ANO3: variants seen among roughly 807,000 people sequenced by gnomAD.
ANO3 encodes the protein anoctamin 3.
ANO3 carries 99 observed loss-of-function variants against 144.8 expected under a neutral mutation model. That is an observed-to-expected ratio of 0.68 (90% CI 0.58 to 0.81). The LOEUF (loss-of-function observed/expected upper bound fraction) is 0.81, where lower values mean the gene tolerates loss of function less well. Among genes scored for constraint, ANO3 ranks in the 30% least tolerant of loss-of-function variants. The pLI, the probability that ANO3 is intolerant of heterozygous loss-of-function variation, is 0.00. For missense variants in ANO3, 905 were observed against 1,202.2 expected, an observed-to-expected ratio of 0.75 and a Z score of 3.66; for synonymous variants, 414 against 392.6, an observed-to-expected ratio of 1.05 and a Z score of -0.64.
At chr11:26,439,134 A>G (rs1858418453) in intron 1 of ANO3, among the ~76,000 whole-genome samples, 2 of 152,214 alleles carry the variant, frequency 1.3e-5, no homozygotes, top group South Asian at 4.1e-4. Flanking sequence ...GGAAAAGAAT[A>G]AAGTTGGAGC....
intron 6 of ANO3, among the ~76,000 whole-genome samples, chr11:26,524,271 T>A (rs1174683455): frequency 2.0e-5 from 3 of 152,182 alleles, no homozygotes; most frequent in Non-Finnish European, 4.4e-5. Flanking sequence ...ATTTAAAGTG[T>A]GAGTTTCGGA....
At chr11:26,452,215 G>A (rs1858971485) in intron 3 of ANO3, among the ~76,000 whole-genome samples, 2 of 152,334 alleles carry the variant, frequency 1.3e-5, no homozygotes, top group East Asian at 3.9e-4. Context: ...CACCAGCAAT[G>A]GAACAAAGCT....
At chr11:26,601,989 T>C (rs1029066944) in intron 17 of ANO3, among the ~76,000 whole-genome samples, 2 of 152,016 alleles carry the variant, frequency 1.3e-5, no homozygotes, top group Non-Finnish European at 2.9e-5. Context: ...GCACAATAGT[T>C]GAAGCAAAAA....
At chr11:26,263,471 C>T (rs1358063075) in intron 1 of ANO3, among the ~76,000 whole-genome samples, 1 of 152,230 alleles carries the variant, frequency 6.6e-6, no homozygotes, top group Non-Finnish European at 1.5e-5. Flanking sequence ...CCTGTTGTCA[C>T]TCCATTCCAA....
intron 6 of ANO3, 29 bp downstream of exon 6, chr11:26,516,956 T>C: frequency 7.5e-7 from 1 of 1,341,312 alleles, no homozygotes; most frequent in Non-Finnish European, 1.1e-6. Flanking sequence ...TTATTTTATC[T>C]CAATATATAT....
In ANO3 at chr11:26,635,073, A is replaced by G; in HGVS notation, c.2043+3A>G. 9 of 1,613,350 alleles carry G rather than the reference A, an allele frequency of 5.6e-6. No homozygotes were observed. The highest frequency in any genetic ancestry group is 7.6e-6 in the Non-Finnish European group (9 of 1,179,416). On this transcript the variant is annotated splice_donor_region_variant and intron_variant, in intron 20 of 26. Coordinates refer to ENST00000256737, the MANE Select transcript of ANO3 (RefSeq NM_031418.4). ...TTGACCGGTGGAGACTGGAGGAAGT[A>G]AGTAACTTTGGGAGTGTGGGTGCAG... is the stretch of plus-strand genomic sequence containing the variant.
intron 1 of ANO3, among the ~76,000 whole-genome samples, chr11:26,295,968 A>G (rs1384283057): frequency 1.3e-5 from 2 of 152,230 alleles, no homozygotes; most frequent in Non-Finnish European, 1.5e-5. Flanking sequence ...CTCTTGTGAT[A>G]TGAACACCCC....
chr11:26,454,588 G>A (rs1365105486), intron 3 of ANO3, among the ~76,000 whole-genome samples: 1 of 151,852 alleles, frequency 6.6e-6, no homozygotes, highest in Non-Finnish European at 1.5e-5. Context: ...ATAATCAATA[G>A]CTTACCAACC....
intron 1 of ANO3, among the ~76,000 whole-genome samples, chr11:26,415,547 G>T (rs1450877136): frequency 6.6e-6 from 1 of 151,982 alleles, no homozygotes; most frequent in Non-Finnish European, 1.5e-5. Flanking sequence ...TTGAATCTAG[G>T]CTTGATTTTG....
intron 1 of ANO3, chr11:26,427,423 A>T (rs1419840749): frequency 6.6e-6 from 1 of 152,176 alleles, no homozygotes; most frequent in Non-Finnish European, 1.5e-5. Flanking sequence ...CATGTTAGAG[A>T]CTACATTTCA....
intron 1 of ANO3, among the ~76,000 whole-genome samples, chr11:26,397,937 T>A (rs1857058079): frequency 6.6e-6 from 1 of 151,928 alleles, no homozygotes; most frequent in African/African-American, 2.4e-5. Context: ...TGTTATTCAT[T>A]CCTTGGATTT....
At chr11:26,272,460 C>T (rs182998989) in intron 1 of ANO3, among the ~76,000 whole-genome samples, 1 of 152,208 alleles carries the variant, frequency 6.6e-6, no homozygotes, top group Admixed American at 6.5e-5. Flanking sequence ...GCAGCCTTTA[C>T]GTGACTGCAG....
At chr11:26,240,105 C>A (rs1852629962) in intron 1 of ANO3, among the ~76,000 whole-genome samples, 1 of 152,148 alleles carries the variant, frequency 6.6e-6, no homozygotes, top group Non-Finnish European at 1.5e-5. Context: ...CATAATTTTT[C>A]ATCTACAAAA....
intron 1 of ANO3, among the ~76,000 whole-genome samples, chr11:26,368,441 C>A (rs7945645): frequency 0.27 from 40,470 of 151,832 alleles, 6,016 homozygotes; most frequent in African/African-American, 0.41. Context: ...ATAAAATCAT[C>A]CATTTCCTGA....
chr11:26,243,163 T>C (rs1303628823), intron 1 of ANO3, among the ~76,000 whole-genome samples: 2 of 152,162 alleles, frequency 1.3e-5, no homozygotes, highest in Admixed American at 1.3e-4. Context: ...GTGAAATCTC[T>C]AAGCTAAAAA....
At chr11:26,477,620 G>A (rs559394791) in intron 4 of ANO3, among the ~76,000 whole-genome samples, 1 of 152,034 alleles carries the variant, frequency 6.6e-6, no homozygotes, top group Non-Finnish European at 1.5e-5. Flanking sequence ...GGGGGACAAT[G>A]GATTATTTTT....
intron 4 of ANO3, among the ~76,000 whole-genome samples, chr11:26,465,712 A>G (rs190845529): frequency 6.6e-6 from 1 of 152,046 alleles, no homozygotes; most frequent in African/African-American, 2.4e-5. Flanking sequence ...GTAAAAACAA[A>G]GAAATACAGA....
chr11:26,228,179 T>C (rs1852295115), intron 1 of ANO3, among the ~76,000 whole-genome samples: 1 of 152,238 alleles, frequency 6.6e-6, no homozygotes. Flanking sequence ...AGCTCGTGTT[T>C]TATTTTGGTG....
At chr11:26,466,588 G>C (rs1859610464) in intron 4 of ANO3, among the ~76,000 whole-genome samples, 1 of 151,970 alleles carries the variant, frequency 6.6e-6, no homozygotes, top group Admixed American at 6.6e-5. Flanking sequence ...GAGGAGAAGA[G>C]ACCACAGGGA....
Sources: allele counts gnomAD v4.1 joint callset (sites outside exome capture counted in the v4.1 genomes callset), GRCh38; gene constraint gnomAD v4.1.1; transcripts MANE v1.5; gene names NCBI Gene and HGNC (gene_info 2026-07-23, HGNC 2026-07-21).